Variants in BLK observed in about 807,000 individuals in gnomAD.
BLK encodes tyrosine-protein kinase Blk.
BLK carries 64 observed loss-of-function variants against 61.8 expected under a neutral mutation model. The observed-to-expected ratio is 1.03, with a 90% confidence interval of 0.85 to 1.27. The LOEUF (loss-of-function observed/expected upper bound fraction) is 1.27. Among genes scored for constraint, BLK ranks in the 50% most tolerant of loss-of-function variants. The pLI is 0.00. For missense variants in BLK, 853 were observed against 660.5 expected (o/e 1.29, Z -3.19); for synonymous variants, 351 against 272.0 (o/e 1.29, Z -2.86).
chr8:11,556,515 A>G, intron 8 of BLK, 143 bp from the exon 9 acceptor site: 5 of 1,004,200 alleles, frequency 5.0e-6, no homozygotes, highest in Non-Finnish European at 6.2e-6. Context: ...GCACCACACA[A>G]CCATGGCCTC....
chr8:11,529,707 C>G (rs1293565889), intron 1 of BLK, among the ~76,000 whole-genome samples: 1 of 152,196 alleles, frequency 6.6e-6, no homozygotes, highest in Non-Finnish European at 1.5e-5. Context: ...TTTTTAACTA[C>G]AAACTATAAA....
chr8:11,516,062 C>T (rs1164211172), intron 1 of BLK, among the ~76,000 whole-genome samples: 1 of 152,192 alleles, frequency 6.6e-6, no homozygotes, highest in Non-Finnish European at 1.5e-5. Context: ...CTGTACATTC[C>T]ATGGAATACC....
At chr8:11,555,040 A>G (rs1466732248) in intron 7 of BLK, 151 bp downstream of exon 7, 12 of 1,289,706 alleles carry the variant, frequency 9.3e-6, no homozygotes, top group Non-Finnish European at 1.2e-5. Flanking sequence ...AACTCTGAGC[A>G]CCGGGAATTG....
chr8:11,540,284 AC>A (rs1218091437), intron 1 of BLK, among the ~76,000 whole-genome samples: 1 of 152,168 alleles, frequency 6.6e-6, no homozygotes, highest in East Asian at 1.9e-4. Flanking sequence ...ATTAAAATAA[AC>A]TATCCACTTT....
chr8:11,513,883 C>T (rs768153894), intron 1 of BLK, among the ~76,000 whole-genome samples: 94 of 152,138 alleles, frequency 6.2e-4, no homozygotes, highest in Non-Finnish European at 1.1e-3. Flanking sequence ...CAGCTGGGCC[C>T]GACCCAGGTG....
intron 1 of BLK, among the ~76,000 whole-genome samples, chr8:11,541,908 C>A (rs1169806221): frequency 6.6e-6 from 1 of 152,154 alleles, no homozygotes; most frequent in Non-Finnish European, 1.5e-5. Context: ...GATCTGAGCT[C>A]ACATAAAGAA....
intron 1 of BLK, among the ~76,000 whole-genome samples, chr8:11,501,173 C>T (rs1798546604): frequency 6.6e-6 from 1 of 152,108 alleles, no homozygotes; most frequent in Non-Finnish European, 1.5e-5. Flanking sequence ...CGCTGCACTC[C>T]AGCTTGGACG....
intron 3 of BLK, 53 bp downstream of exon 3, chr8:11,546,156 G>A: frequency 1.3e-6 from 2 of 1,599,102 alleles, no homozygotes; most frequent in Non-Finnish European, 1.7e-6. Flanking sequence ...CCCCTAGGTG[G>A]CAGCTTTGTG....
chr8:11,500,395 C>G (rs1798512861), intron 1 of BLK, among the ~76,000 whole-genome samples: 1 of 150,700 alleles, frequency 6.6e-6, no homozygotes, highest in Admixed American at 6.6e-5. Flanking sequence ...AGGGTTTCAT[C>G]ATGTTGGCCA....
At chr8:11,528,956 G>A (rs112727811) in intron 1 of BLK, among the ~76,000 whole-genome samples, 151 of 152,164 alleles carry the variant, frequency 9.9e-4, no homozygotes, top group African/African-American at 3.2e-3. Context: ...ATTGGGGAGC[G>A]GGAAGGAGAG....
chr8:11,506,208 A>C (rs1409863578), intron 1 of BLK, among the ~76,000 whole-genome samples: 1 of 152,184 alleles, frequency 6.6e-6, no homozygotes, highest in Non-Finnish European at 1.5e-5. Flanking sequence ...GGGTGTCTTT[A>C]AGGTGACCTT....
chr8:11,531,911 T>C (rs912732381), intron 1 of BLK, among the ~76,000 whole-genome samples: 26 of 152,180 alleles, frequency 1.7e-4, no homozygotes, highest in African/African-American at 6.0e-4. Flanking sequence ...CAGGCTGGAG[T>C]GCAGTGGCAC....
At chr8:11,534,289 T>A (rs541244326) in intron 1 of BLK, among the ~76,000 whole-genome samples, 105 of 152,332 alleles carry the variant, frequency 6.9e-4, no homozygotes, top group African/African-American at 2.5e-3. Flanking sequence ...AGGCCCATAG[T>A]CTCATCAATA....
chr8:11,502,639 AC>A (rs1246498758), intron 1 of BLK, among the ~76,000 whole-genome samples: 2 of 152,200 alleles, frequency 1.3e-5, no homozygotes, highest in Non-Finnish European at 1.5e-5. Context: ...AATTCAGCTC[AC>A]AAAATTCCTG....
chr8:11,511,929 C>G (rs1027859618), intron 1 of BLK, among the ~76,000 whole-genome samples: 2 of 152,010 alleles, frequency 1.3e-5, no homozygotes, highest in Admixed American at 1.3e-4. Flanking sequence ...TGGATGCTGT[C>G]GGGAGGTGGA....
intron 10 of BLK, 88 bp downstream of exon 10, chr8:11,558,126 C>T: frequency 2.2e-6 from 3 of 1,348,004 alleles, no homozygotes; most frequent in Non-Finnish European, 3.2e-6. Context: ...CCCATCCTCT[C>T]AGCCAGCAGG....
intron 1 of BLK, among the ~76,000 whole-genome samples, chr8:11,534,877 A>G (rs1800047521): frequency 6.6e-6 from 1 of 152,208 alleles, no homozygotes; most frequent in South Asian, 2.1e-4. Flanking sequence ...ATTTAAAAGT[A>G]TTGCACAAGG....
At chr8:11,499,803 C>A (rs1278177934) in intron 1 of BLK, among the ~76,000 whole-genome samples, 1 of 152,162 alleles carries the variant, frequency 6.6e-6, no homozygotes, top group Non-Finnish European at 1.5e-5. Flanking sequence ...TAACCACTAG[C>A]AGTTTGGTGA....
intron 1 of BLK, among the ~76,000 whole-genome samples, chr8:11,496,497 C>A (rs1450876080): frequency 6.6e-6 from 1 of 152,256 alleles, no homozygotes; most frequent in East Asian, 1.9e-4. Context: ...CCCACTTTGG[C>A]CTCCCACAGT....
Sources: allele counts gnomAD v4.1 joint callset (sites outside exome capture counted in the v4.1 genomes callset), GRCh38; gene constraint gnomAD v4.1.1; transcripts MANE v1.5; gene names NCBI Gene and HGNC (gene_info 2026-07-23, HGNC 2026-07-21).